FERMT1: variants seen among roughly 807,000 people sequenced by gnomAD.
FERMT1 encodes the protein fermitin family homolog 1.
In FERMT1, 60 loss-of-function variants were observed where a neutral mutation model predicts 85.3. The observed-to-expected ratio is 0.70, with a 90% confidence interval of 0.57 to 0.87. The LOEUF is 0.87. Ranked by LOEUF, FERMT1 falls within the 40% of genes least tolerant of loss-of-function variation. The pLI is 0.00. For missense variants in FERMT1, 701 were observed against 818.9 expected, an observed-to-expected ratio of 0.86 and a Z score of 1.76; for synonymous variants, 275 against 301.1, an observed-to-expected ratio of 0.91 and a Z score of 0.90.
At chr20:6,111,879 T>C (rs1600446668) in intron 4 of FERMT1, among the ~76,000 whole-genome samples, 2 of 151,778 alleles carry the variant, frequency 1.3e-5, no homozygotes, top group Admixed American at 1.3e-4. Flanking sequence ...TTTTTTTTTT[T>C]TTGAGACAGG....
rs998318423 is a variant in FERMT1 at position 6,088,902 on chromosome 20, G to A, written c.1264+63C>T. ...GCCTCCCAAAGTGCTGGGATTACAG[G>A]TTTGAGCCACCGCGTCTGCCCTGAC... On this transcript the variant is annotated intron_variant, in intron 10 of 14. Transcript: ENST00000217289. 54 of 1,551,844 alleles carry A rather than the reference G, an allele frequency of 3.5e-5. No homozygotes were observed. In the African/African-American group the frequency reaches 6.2e-4, roughly 18 times the overall value.
chr20:6,098,558 A>G (rs969511508), intron 6 of FERMT1, among the ~76,000 whole-genome samples: 15 of 151,444 alleles, frequency 9.9e-5, no homozygotes, highest in Admixed American at 6.6e-4. Context: ...ATATGTATAT[A>G]AATTTAATAT....
At position 6,075,870 on chromosome 20, in the gene FERMT1, T is replaced by TA. The variant is rs1225972099; in HGVS notation, c.*1302dup. 6.6e-6 allele frequency: 1 copy of TA among 152,386 alleles called. No individual in the cohort carries two copies. Among genetic ancestry groups the TA allele is most frequent in the African/African-American group, 2.4e-5 (1 of 41,456 alleles). The allele number at this position is 152,386 out of a possible 1,614,324, so 9.4% of individuals were successfully genotyped here. On this transcript the variant is annotated 3_prime_UTR_variant, in exon 15 of 15. Coordinates refer to ENST00000217289, the MANE Select transcript of FERMT1 (RefSeq NM_017671.5). ...GTCTGATATTTCCCTTTACTTCTGG[T>TA]ATTGCTTTTGACCTTCTCAAAACCC...
At chr20:6,099,570 A>T (rs2123122555) in intron 6 of FERMT1, among the ~76,000 whole-genome samples, 1 of 152,328 alleles carries the variant, frequency 6.6e-6, no homozygotes, top group Admixed American at 6.5e-5. Context: ...AGAAAGTAGA[A>T]TAGAGATTAC....
intron 14 of FERMT1, among the ~76,000 whole-genome samples, chr20:6,078,088 G>C (rs1981882671): frequency 6.6e-6 from 1 of 152,204 alleles, no homozygotes; most frequent in African/African-American, 2.4e-5. Flanking sequence ...GAAAGACTTA[G>C]AGACTTTGCT....
intron 13 of FERMT1, among the ~76,000 whole-genome samples, chr20:6,081,281 C>A (rs1404366434): frequency 2.1e-5 from 3 of 145,794 alleles, no homozygotes; most frequent in Non-Finnish European, 3.0e-5. Flanking sequence ...AAAAAAAAAA[C>A]CAAAAAACTG....
At chr20:6,120,961 T>C (rs1337304318) in intron 1 of FERMT1, among the ~76,000 whole-genome samples, 1 of 152,232 alleles carries the variant, frequency 6.6e-6, no homozygotes, top group African/African-American at 2.4e-5. Flanking sequence ...GTGTCATATC[T>C]GTTCTGCATG....
chr20:6,105,362 A>G (rs1003732667), intron 6 of FERMT1, among the ~76,000 whole-genome samples: 7 of 152,218 alleles, frequency 4.6e-5, no homozygotes, highest in Non-Finnish European at 7.3e-5. Context: ...ACAAGCTTGT[A>G]TGAGGAAACA....
intron 6 of FERMT1, among the ~76,000 whole-genome samples, chr20:6,100,187 A>T (rs932997305): frequency 4.6e-5 from 7 of 152,238 alleles, no homozygotes; most frequent in African/African-American, 1.7e-4. Context: ...TCAAACAGTG[A>T]AAACAATCCA....
chr20:6,111,354 G>A (rs761853268), intron 4 of FERMT1, among the ~76,000 whole-genome samples: 3 of 152,132 alleles, frequency 2.0e-5, no homozygotes, highest in Non-Finnish European at 4.4e-5. Context: ...AATCTTGGCC[G>A]GGTGTGGTGG....
At position 6,076,350 on chromosome 20, in the gene FERMT1, A is replaced by G. The variant is rs1600420239; in HGVS notation, c.*823T>C. 2.2e-6 allele frequency: 1 copy of G among 460,732 alleles called. No homozygotes were observed. 28.5% of individuals were successfully genotyped at this position (460,732 alleles called of 1,614,324 possible). ...ACTGTGCCTGTCTTCCTGAATCCCAACCCAGAGTAGAAGCAGTGGAGACAT... is the reference window on the plus strand; with the variant it reads ...ACTGTGCCTGTCTTCCTGAATCCCAGCCCAGAGTAGAAGCAGTGGAGACAT... On this transcript the variant is annotated 3_prime_UTR_variant, in exon 15 of 15. Transcript: ENST00000217289.
intron 2 of FERMT1, among the ~76,000 whole-genome samples, chr20:6,116,403 A>C (rs6117082): frequency 0.27 from 41,669 of 151,946 alleles, 6,048 homozygotes; most frequent in South Asian, 0.48. Flanking sequence ...AAATAAAAAA[A>C]TTTAAAGATA....
At chr20:6,107,068 A>G (rs1982815455) in intron 6 of FERMT1, among the ~76,000 whole-genome samples, 3 of 152,014 alleles carry the variant, frequency 2.0e-5, no homozygotes, top group Admixed American at 6.6e-5. Context: ...TGGTTGCATG[A>G]GCCTGTAGTT....
At chr20:6,118,558 T>C (rs1405874458) in intron 2 of FERMT1, among the ~76,000 whole-genome samples, 1 of 151,902 alleles carries the variant, frequency 6.6e-6, no homozygotes, top group African/African-American at 2.4e-5. Context: ...CAATAAGGAC[T>C]GAAAAAAAAA....
chr20:6,088,865 C>G, intron 10 of FERMT1, 100 bp downstream of exon 10: 1 of 1,182,196 alleles, frequency 8.5e-7, no homozygotes, highest in Non-Finnish European at 1.2e-6. Context: ...CTCAGGTGAT[C>G]CGCCCGCCTC....
In FERMT1 at chr20:6,094,943, A is replaced by G. The variant is rs780491245; in HGVS notation, c.1135T>C (p.Phe379Leu). ...TCCCCATAAAAGTTTACTTACCTAA[A>G]TAATTTGAGATTATCTGCAAGTTTA... ...IPKLADNLKL[F>L]RPKKLLPKAF... Residue 379 changes from phenylalanine (F) to leucine (L), a missense_variant, in exon 9 of 15, where the codon TTT (phenylalanine) becomes CTT (leucine). Transcript: ENST00000217289. The G allele has an allele frequency of 4.0e-6, 6 of 1,495,830 alleles. No homozygotes were observed. The Admixed American group carries it at 1.0e-4, about 25-fold the overall frequency. 92.7% of individuals were successfully genotyped at this position (1,495,830 alleles called of 1,614,324 possible). A position where few individuals can be genotyped will look rare whatever the true frequency, so the allele number is the denominator to read the frequency against.
In FERMT1 at chr20:6,106,501, A is replaced by G. The variant is rs569113065; in HGVS notation, c.849+1031T>C. Among the ~76,000 whole-genome samples the G allele has an allele frequency of 1.8e-4, 27 of 152,292 alleles. No individual in the cohort carries two copies. In the Middle Eastern group the frequency reaches 0.02, roughly 115 times the overall value. The stretch of plus-strand genomic sequence containing the variant: ...AATGGAAAAGAGCAACAGGCACAAA[A>G]CAGTGATGGGAGCATGCAACACAGT... On this transcript the variant is annotated intron_variant, in intron 6 of 14. Coordinates refer to ENST00000217289, the MANE Select transcript of FERMT1 (RefSeq NM_017671.5).
At chr20:6,100,124 G>A (rs537818005) in intron 6 of FERMT1, among the ~76,000 whole-genome samples, 1 of 151,948 alleles carries the variant, frequency 6.6e-6, no homozygotes, top group East Asian at 1.9e-4. Flanking sequence ...AAAAGTCAAA[G>A]AAAAAATCCC....
In FERMT1 at chr20:6,085,304, G is replaced by C. The variant is rs1982143734; in HGVS notation, c.1372-17C>G. On this transcript the variant is annotated splice_polypyrimidine_tract_variant and intron_variant, in intron 11 of 14. Coordinates refer to ENST00000217289, the MANE Select transcript of FERMT1 (RefSeq NM_017671.5). ...TTGATTCTCCTGCAGCAAACAGAAG[G>C]TTGAGAAGCAAGCTCAAGTGCAAAG... is the stretch of plus-strand genomic sequence containing the variant. 1 of 1,611,282 alleles carries C rather than the reference G, an allele frequency of 6.2e-7. No individual in the cohort carries two copies. Among genetic ancestry groups the C allele is most frequent in the Non-Finnish European group, 8.5e-7 (1 of 1,178,784 alleles).
Sources: allele counts gnomAD v4.1 joint callset (sites outside exome capture counted in the v4.1 genomes callset), GRCh38; gene constraint gnomAD v4.1.1; transcripts MANE v1.5; gene names NCBI Gene and HGNC (gene_info 2026-07-23, HGNC 2026-07-21).